The following POU6F2 variants were observed in gnomAD, a reference collection of about 807,000 sequenced individuals.
POU6F2 encodes POU domain, class 6, transcription factor 2.
POU6F2 carries 31 observed loss-of-function variants against 71.3 expected under a neutral mutation model. The observed-to-expected ratio is 0.43, with a 90% CI of 0.33 to 0.59. The LOEUF (loss-of-function observed/expected upper bound fraction) is 0.59, where lower values mean the gene tolerates loss of function less well. Among genes scored for constraint, POU6F2 ranks in the 20% least tolerant of loss-of-function variants. The pLI is 0.04. For synonymous variants in POU6F2, 347 were observed against 355.7 expected, an observed-to-expected ratio of 0.98 and a Z score of 0.27; for missense variants, 783 against 856.8, an observed-to-expected ratio of 0.91 and a Z score of 1.07.
In POU6F2 at chr7:39,339,814, A is replaced by G; in HGVS notation, c.771A>G (p.Pro257=). The change falls in exon 5 of 10, where the codon CCA becomes CCG. Residue 257 remains proline, a synonymous_variant. Transcript: ENST00000518318. ...QPLQPTPPQQ[P]PPASQQPPAP... ...TGCAGCCCACCCCACCCCAGCAGCC[A>G]CCACCCGCCTCTCAGCAGCCGCCAG... The G allele has an allele frequency of 6.7e-7, 1 of 1,487,138 alleles. No individual in the cohort carries two copies. Among genetic ancestry groups the G allele is most frequent in the Non-Finnish European group, 9.0e-7 (1 of 1,109,388 alleles). The allele number at this position is 1,487,138 out of a possible 1,614,324, so 92.1% of individuals were successfully genotyped here. A position where few individuals can be genotyped will look rare whatever the true frequency, so the allele number is the denominator to read the frequency against.
intron 7 of POU6F2, among the ~76,000 whole-genome samples, chr7:39,433,771 T>A (rs1788165545): frequency 6.6e-6 from 1 of 152,238 alleles, no homozygotes; most frequent in South Asian, 2.1e-4. Context: ...CGGTTAATTT[T>A]TCCATTCAAA....
At chr7:39,046,140 T>C (rs1790286327) in intron 1 of POU6F2, among the ~76,000 whole-genome samples, 1 of 151,962 alleles carries the variant, frequency 6.6e-6, no homozygotes, top group African/African-American at 2.4e-5. Context: ...TATTTTTTAT[T>C]ATAACTATTG....
At chr7:39,262,742 G>GTTT (rs1784161315) in intron 4 of POU6F2, among the ~76,000 whole-genome samples, 1 of 152,024 alleles carries the variant, frequency 6.6e-6, no homozygotes, top group Non-Finnish European at 1.5e-5. Flanking sequence ...GTAGTTTGTT[G>GTTT]TTGTTGTTGT....
chr7:39,412,390 A>C (rs1211640803), intron 6 of POU6F2, among the ~76,000 whole-genome samples: 1 of 152,232 alleles, frequency 6.6e-6, no homozygotes, highest in Non-Finnish European at 1.5e-5. Context: ...ATAAAGTTGT[A>C]GTAAATGCAA....
chr7:38,991,574 A>G (rs1381325091), intron 1 of POU6F2, among the ~76,000 whole-genome samples: 5 of 152,180 alleles, frequency 3.3e-5, no homozygotes, highest in African/African-American at 4.8e-5. Flanking sequence ...TCATGCACCA[A>G]TGTAATACAG....
intron 1 of POU6F2, among the ~76,000 whole-genome samples, chr7:38,981,979 C>CA (rs1204267335): frequency 6.6e-6 from 1 of 152,026 alleles, no homozygotes; most frequent in Non-Finnish European, 1.5e-5. Flanking sequence ...TCCCTTGTTC[C>CA]AAAAAGTATT....
At chr7:39,034,472 T>A (rs1362047409) in intron 1 of POU6F2, 1 of 441,722 alleles carries the variant, frequency 2.3e-6, no homozygotes, top group South Asian at 1.6e-5. Flanking sequence ...TACATATCTA[T>A]GGAGACAATG....
chr7:38,993,848 A>G (rs191274540), intron 1 of POU6F2, among the ~76,000 whole-genome samples: 2 of 152,234 alleles, frequency 1.3e-5, no homozygotes, highest in African/African-American at 2.4e-5. Flanking sequence ...AAGGAGTAAC[A>G]TGTTCTCAGG....
intron 4 of POU6F2, among the ~76,000 whole-genome samples, chr7:39,267,434 C>T (rs1296052294): frequency 1.3e-5 from 2 of 152,320 alleles, no homozygotes; most frequent in Admixed American, 6.5e-5. Flanking sequence ...GTGCCAGGCC[C>T]TAGGGAGGCA....
intron 4 of POU6F2, among the ~76,000 whole-genome samples, chr7:39,242,861 A>G (rs1257443938): frequency 6.6e-6 from 1 of 152,140 alleles, no homozygotes; most frequent in Non-Finnish European, 1.5e-5. Flanking sequence ...CACCTCCATC[A>G]GGTTCTAGTT....
At chr7:39,028,411 T>C (rs752085537) in intron 1 of POU6F2, among the ~76,000 whole-genome samples, 6 of 152,160 alleles carry the variant, frequency 3.9e-5, no homozygotes, top group African/African-American at 1.4e-4. Flanking sequence ...TTAAAAGACA[T>C]ACTCTTTTAT....
intron 5 of POU6F2, among the ~76,000 whole-genome samples, chr7:39,351,204 C>G (rs1786133910): frequency 6.6e-6 from 1 of 152,190 alleles, no homozygotes; most frequent in African/African-American, 2.4e-5. Flanking sequence ...ATGCAAAATG[C>G]TTTTTGCCGT....
intron 4 of POU6F2, among the ~76,000 whole-genome samples, chr7:39,247,190 C>T (rs916959068): frequency 2.6e-5 from 4 of 151,972 alleles, no homozygotes; most frequent in African/African-American, 2.4e-5. Context: ...AAATGGAGGC[C>T]AAGCATGGTG....
At chr7:39,180,679 C>T (rs909841092) in intron 2 of POU6F2, among the ~76,000 whole-genome samples, 1 of 152,188 alleles carries the variant, frequency 6.6e-6, no homozygotes, top group African/African-American at 2.4e-5. Context: ...CAAGCTCAGA[C>T]GGGCTCTGTG....
intron 7 of POU6F2, among the ~76,000 whole-genome samples, chr7:39,434,528 GTGA>G (rs370892748): frequency 0.011 from 1,651 of 151,930 alleles, 30 homozygotes; most frequent in African/African-American, 0.037. Flanking sequence ...TGTGATGATA[GTGA>G]TGATGATGAT....
At chr7:39,381,157 C>T (rs1394353570) in intron 5 of POU6F2, among the ~76,000 whole-genome samples, 3 of 152,160 alleles carry the variant, frequency 2.0e-5, no homozygotes, top group African/African-American at 4.8e-5. Context: ...TGCCCCGCCC[C>T]GGGTTCCAGT....
intron 5 of POU6F2, among the ~76,000 whole-genome samples, chr7:39,389,879 C>T (rs1787029133): frequency 6.6e-6 from 1 of 152,308 alleles, no homozygotes; most frequent in South Asian, 2.1e-4. Context: ...ACACATATGG[C>T]CACAAATGAA....
chr7:39,121,143 A>C (rs746859797), intron 2 of POU6F2, among the ~76,000 whole-genome samples: 1 of 152,226 alleles, frequency 6.6e-6, no homozygotes, highest in Non-Finnish European at 1.5e-5. Flanking sequence ...AGGTTTAAAA[A>C]GTCACAAAAA....
intron 2 of POU6F2, among the ~76,000 whole-genome samples, chr7:39,137,831 T>C (rs926487715): frequency 2.6e-5 from 4 of 152,274 alleles, no homozygotes; most frequent in African/African-American, 7.2e-5. Context: ...TCTTCCCACT[T>C]ACTTCCAAGC....
Sources: gnomAD v4.1 joint callset for allele counts (sites outside exome capture counted in the v4.1 genomes callset) on GRCh38, gnomAD v4.1.1 for gene constraint, MANE v1.5 for transcripts, NCBI Gene and HGNC (gene_info 2026-07-23, HGNC 2026-07-21) for gene names.